TRPC3: variants seen among roughly 807,000 people sequenced by gnomAD.
The protein encoded by TRPC3 is transient receptor potential cation channel subfamily C member 3.
In TRPC3, 54 loss-of-function variants were observed where a neutral mutation model predicts 90.9. The observed-to-expected ratio is 0.59, with a 90% CI of 0.48 to 0.75. The LOEUF (loss-of-function observed/expected upper bound fraction) is 0.75, where lower values mean the gene tolerates loss of function less well. Among genes scored for constraint, TRPC3 ranks in the 30% least tolerant of loss-of-function variants. TRPC3 has a pLI of 0.00. For missense variants in TRPC3, 918 were observed against 1,194.5 expected, an observed-to-expected ratio of 0.77 and a Z score of 3.41; for synonymous variants, 424 against 450.9, an observed-to-expected ratio of 0.94 and a Z score of 0.75.
chr4:121,930,277 T>A (rs1296300823), intron 2 of TRPC3, among the ~76,000 whole-genome samples: 1 of 152,118 alleles, frequency 6.6e-6, no homozygotes, highest in African/African-American at 2.4e-5. Context: ...TTCCATATAA[T>A]CTAGAAAAAA....
At chr4:121,942,320 G>T (rs1730346803) in intron 1 of TRPC3, among the ~76,000 whole-genome samples, 1 of 152,144 alleles carries the variant, frequency 6.6e-6, no homozygotes, top group Admixed American at 6.5e-5. Context: ...CCAGTACTTT[G>T]GGAGGCAGAG....
chr4:121,901,622 C>T (rs1376008932), intron 9 of TRPC3, among the ~76,000 whole-genome samples: 3 of 152,192 alleles, frequency 2.0e-5, no homozygotes, highest in Non-Finnish European at 2.9e-5. Context: ...AGGAAGGGCA[C>T]TGATATTTGT....
At position 121,907,363 on chromosome 4, in the gene TRPC3, AT is replaced by A; in HGVS notation, c.1996del (p.Ile666LeufsTer22). The part of the protein sequence containing the change: ...LFIMVFFAFM[I>X]GMFILYSYYL... ...GTAAGAATAAAGTATGAACATGCCA[AT>A]CATAAAGGCAAAAAACACCATAATA... On this transcript the variant is annotated frameshift_variant, in exon 7 of 12. Transcript: ENST00000379645. LOFTEE classifies it high-confidence loss of function. The A allele has an allele frequency of 6.2e-7, 1 of 1,613,378 alleles. No individual in the cohort carries two copies. Among genetic ancestry groups the A allele is most frequent in the Non-Finnish European group, 8.5e-7 (1 of 1,179,472 alleles).
At chr4:121,927,499 A>G (rs1452877807) in intron 2 of TRPC3, among the ~76,000 whole-genome samples, 1 of 152,228 alleles carries the variant, frequency 6.6e-6, no homozygotes, top group Non-Finnish European at 1.5e-5. Flanking sequence ...GAGACATTGT[A>G]TGTGTCCATA....
In TRPC3 at chr4:121,886,704, TTTG is replaced by T. The variant is rs1262042022; in HGVS notation, c.2548-4278_2548-4276del. On this transcript the variant is annotated intron_variant, in intron 10 of 11. Transcript: ENST00000379645. ...TACCTGTTACTTTTTTCTGCATTTT[TTTG>T]TTTTTTGTTTTTTTTGAAGAGGGAC... is the stretch of plus-strand genomic sequence containing the variant. 3.9e-5 allele frequency among the ~76,000 whole-genome samples: 6 copies of T among 152,318 alleles called. No homozygotes were observed. In the East Asian group the frequency reaches 1.2e-3, roughly 29 times the overall value.
chr4:121,936,505 A>G (rs183737577), intron 1 of TRPC3, among the ~76,000 whole-genome samples: 67 of 152,346 alleles, frequency 4.4e-4, no homozygotes, highest in Admixed American at 2.1e-3. Context: ...TAAGCTCCTC[A>G]TGACTAATAC....
At chr4:121,894,442 T>A (rs1728439113) in intron 10 of TRPC3, among the ~76,000 whole-genome samples, 1 of 150,920 alleles carries the variant, frequency 6.6e-6, no homozygotes, top group Admixed American at 6.6e-5. Flanking sequence ...ATTAGACAGA[T>A]CATTCAGACA....
At chr4:121,904,727 C>T (rs191454434) in intron 7 of TRPC3, among the ~76,000 whole-genome samples, 66 of 152,216 alleles carry the variant, frequency 4.3e-4, no homozygotes, top group African/African-American at 1.4e-3. Context: ...GTGCCAATGC[C>T]TAGCTTTTCT....
Position 121,911,957 on chromosome 4 carries a change from G to A in TRPC3, c.1478C>T (p.Thr493Ile), listed in dbSNP as rs2149125862. ...CCTGAAGATCTGTTTGGGATAGTCA[G>A]TAACTGTGATATTGGGCAGCGTGGT... Reference protein sequence around the residue: ...GITTLPNITVTDYPKQIFRVK... With the variant: ...GITTLPNITVIDYPKQIFRVK... The change falls in exon 5 of 12, where the codon ACT becomes ATT. Residue 493 changes from threonine (T) to isoleucine (I), a missense_variant. Coordinates refer to ENST00000379645, the MANE Select transcript of TRPC3 (RefSeq NM_001130698.2). 6.2e-7 allele frequency: 1 copy of A among 1,613,912 alleles called. No individual in the cohort carries two copies.
intron 6 of TRPC3, among the ~76,000 whole-genome samples, chr4:121,908,871 A>T (rs1728984091): frequency 1.3e-5 from 2 of 152,114 alleles, no homozygotes; most frequent in Admixed American, 6.6e-5. Flanking sequence ...TCTAAAAAAA[A>T]GTTTAAAAAA....
At chr4:121,933,991 TG>T (rs1304960375) in intron 1 of TRPC3, among the ~76,000 whole-genome samples, 1 of 152,242 alleles carries the variant, frequency 6.6e-6, no homozygotes, top group African/African-American at 2.4e-5. Context: ...GGTTTGATTA[TG>T]GTTTAAAAAT....
intron 3 of TRPC3, 39 bp from the exon 4 acceptor site, chr4:121,914,983 G>T: frequency 6.5e-7 from 1 of 1,542,894 alleles, no homozygotes; most frequent in Non-Finnish European, 8.8e-7. Context: ...GGAGAGAAAG[G>T]TAAGTTACCA....
chr4:121,885,224 T>C (rs1165023157), intron 10 of TRPC3, among the ~76,000 whole-genome samples: 1 of 152,160 alleles, frequency 6.6e-6, no homozygotes, highest in Non-Finnish European at 1.5e-5. Flanking sequence ...TCTAAAATGA[T>C]CTGCAGCTCA....
At chr4:121,923,005 T>C (rs1284138836) in intron 3 of TRPC3, among the ~76,000 whole-genome samples, 1 of 152,174 alleles carries the variant, frequency 6.6e-6, no homozygotes. Flanking sequence ...GCAAATACTA[T>C]GTGTAGAAGT....
At position 121,907,571 on chromosome 4, in the gene TRPC3, G is replaced by A; in HGVS notation, c.1793-4C>T. Reference sequence around the variant, plus strand: ...GAAGGGAGCCATTTATCTCTAGCTAGAAAAAAGAGAGAAAGAGATTAAAAA... The same window carrying A: ...GAAGGGAGCCATTTATCTCTAGCTAAAAAAAAGAGAGAAAGAGATTAAAAA... On this transcript the variant is annotated splice_region_variant and splice_polypyrimidine_tract_variant and intron_variant, in intron 6 of 11. Transcript: ENST00000379645. 3 of 1,587,086 alleles carry A rather than the reference G, an allele frequency of 1.9e-6. No individual in the cohort carries two copies. The Admixed American group carries it at 5.6e-5, about 30-fold the overall frequency.
chr4:121,942,515 G>A (rs1238417696), intron 1 of TRPC3, among the ~76,000 whole-genome samples: 1 of 152,192 alleles, frequency 6.6e-6, no homozygotes, highest in East Asian at 1.9e-4. Flanking sequence ...GTTGCAGTGA[G>A]CCAAGATTGC....
At position 121,951,558 on chromosome 4, in the gene TRPC3, C is replaced by T. The variant is rs1467832993; in HGVS notation, c.123G>A (p.Arg41=). The T allele has an allele frequency of 3.5e-6, 5 of 1,440,234 alleles. No homozygotes were observed. The highest frequency in any genetic ancestry group is 1.5e-5 in the African/African-American group (1 of 67,070). 89.2% of individuals were successfully genotyped at this position (1,440,234 alleles called of 1,614,324 possible). The change falls in exon 1 of 12, where the codon AGG becomes AGA. Residue 41 remains arginine (R), a synonymous_variant. Coordinates refer to ENST00000379645, the MANE Select transcript of TRPC3 (RefSeq NM_001130698.2). The surrounding 1 kb of genome is among the most constrained non-coding windows in gnomAD (Gnocchi z 4.4). The stretch of plus-strand genomic sequence containing the variant: ...GCGGCTCCAGCCCCCCGTTGACGCC[C>T]CTCCAGCCCCGGCGGCGGCGCTGCG... ...AEPQRRRRGW[R]GVNGGLEPRS...
In TRPC3 at chr4:121,880,775, G is replaced by T. The variant is rs1727915534; in HGVS notation, c.2624-897C>A. Among the ~76,000 whole-genome samples, 3 of 152,056 alleles carry T rather than the reference G, an allele frequency of 2.0e-5. No homozygotes were observed. In the South Asian group the frequency reaches 6.2e-4, roughly 32 times the overall value. On this transcript the variant is annotated intron_variant, in intron 11 of 11. Coordinates refer to ENST00000379645, the MANE Select transcript of TRPC3 (RefSeq NM_001130698.2). Reference sequence around the variant, plus strand: ...CTAAGAAATGATTCTTCAAACCATTGACTTAGGTTTTTATAATAAAATGGC... The same window carrying T: ...CTAAGAAATGATTCTTCAAACCATTTACTTAGGTTTTTATAATAAAATGGC...
chr4:121,919,868 G>T lies in TRPC3; in HGVS notation c.1177-4924C>A, dbSNP rs1156327300. On this transcript the variant is annotated intron_variant, in intron 3 of 11. Transcript: ENST00000379645. Reference sequence around the variant, plus strand: ...AGATTCAGTGGTCTACCAAGCTCTAGTATCTTTTGTCAAAAACTTTCTCAA... The same window carrying T: ...AGATTCAGTGGTCTACCAAGCTCTATTATCTTTTGTCAAAAACTTTCTCAA... Among the ~76,000 whole-genome samples, 5 of 152,162 alleles carry T rather than the reference G, an allele frequency of 3.3e-5. No individual in the cohort carries two copies. The East Asian group carries it at 5.8e-4, about 18-fold the overall frequency.
Sources: allele counts gnomAD v4.1 joint callset (sites outside exome capture counted in the v4.1 genomes callset), GRCh38; gene constraint gnomAD v4.1.1; non-coding constraint Gnocchi (gnomAD v3.1); transcripts MANE v1.5; gene names NCBI Gene and HGNC (gene_info 2026-07-23, HGNC 2026-07-21).